LAMB1: variants seen among roughly 807,000 people sequenced by gnomAD.
LAMB1 encodes the protein laminin subunit beta 1.
Under a neutral mutation model 222.3 loss-of-function variants are expected in LAMB1, and 121 were observed. The observed-to-expected ratio is 0.54, with a 90% CI of 0.47 to 0.63. LAMB1 has a LOEUF of 0.63. Among genes scored for constraint, LAMB1 ranks in the 30% least tolerant of loss-of-function variants. The probability of loss-of-function intolerance (pLI) is 0.00; values close to 1 mark genes in which losing one functional copy is unlikely to be tolerated. For missense variants in LAMB1, 2,172 were observed against 2,240.8 expected, an observed-to-expected ratio of 0.97 and a Z score of 0.62; for synonymous variants, 794 against 807.2, an observed-to-expected ratio of 0.98 and a Z score of 0.28.
intron 7 of LAMB1, among the ~76,000 whole-genome samples, chr7:107,985,033 T>G (rs1243620671): frequency 6.6e-6 from 1 of 152,150 alleles, no homozygotes; most frequent in African/African-American, 2.4e-5. Flanking sequence ...ACAACTAGAT[T>G]TGGGGAGACT....
intron 25 of LAMB1, among the ~76,000 whole-genome samples, chr7:107,938,100 G>A (rs1467532090): frequency 6.6e-6 from 1 of 152,092 alleles, no homozygotes; most frequent in Admixed American, 6.5e-5. Context: ...TTTTACCTCT[G>A]GGTATTACTG....
At chr7:107,940,412 C>T (rs1480194309) in intron 24 of LAMB1, 54 bp from the exon 25 acceptor site, 9 of 1,547,836 alleles carry the variant, frequency 5.8e-6, no homozygotes, top group Admixed American at 1.8e-5. Flanking sequence ...ACCTCAGTGA[C>T]AAGATGTGGC....
chr7:107,932,070 T>C, intron 28 of LAMB1, 104 bp downstream of exon 28: 1 of 1,046,362 alleles, frequency 9.6e-7, no homozygotes, highest in South Asian at 1.3e-5. Context: ...TATGCCCTTT[T>C]CATTTCAGTT....
intron 27 of LAMB1, 84 bp downstream of exon 27, chr7:107,935,331 T>G: frequency 2.0e-6 from 3 of 1,516,510 alleles, no homozygotes; most frequent in African/African-American, 1.4e-5. Context: ...TGACAAAAGA[T>G]GGTTTGTTTT....
rs201261324 is a variant in LAMB1 at position 107,993,212 on chromosome 7, C to A, written c.423+1675G>T. 4.6e-5 allele frequency among the ~76,000 whole-genome samples: 7 copies of A among 152,324 alleles called. No homozygotes were observed. In the East Asian group the frequency reaches 1.2e-3, roughly 25 times the overall value. On this transcript the variant is annotated intron_variant, in intron 5 of 33. Coordinates refer to ENST00000222399, the MANE Select transcript of LAMB1 (RefSeq NM_002291.3). ...GCAGTGGCATGATCTCGGCTCACTGCAACCTTCGCCTGCAGGGTTCAAACG... is the reference window on the plus strand; with the variant it reads ...GCAGTGGCATGATCTCGGCTCACTGAAACCTTCGCCTGCAGGGTTCAAACG...
intron 27 of LAMB1, among the ~76,000 whole-genome samples, chr7:107,933,077 C>CCGACTGCCATCA (rs1385075541): frequency 6.6e-6 from 1 of 152,196 alleles, no homozygotes; most frequent in Non-Finnish European, 1.5e-5. Flanking sequence ...ATTACCACCC[C>CCGACTGCCATCA]CGACTGCCAT....
In LAMB1 at chr7:107,952,136, C is replaced by T. The variant is rs757284634; in HGVS notation, c.3167G>A (p.Cys1056Tyr). 7.4e-6 allele frequency: 12 copies of T among 1,613,976 alleles called. No homozygotes were observed. Among genetic ancestry groups the T allele is most frequent in the Non-Finnish European group, 1.0e-5 (12 of 1,179,978 alleles). The stretch of plus-strand genomic sequence containing the variant: ...GTTCTGCCCGATCACATTAGGAAGA[C>T]ACAAGCACTGACCAGTGGCTTTGTC... Reference protein sequence around the residue: ...QCDKATGQCLCLPNVIGQNCD... With the variant: ...QCDKATGQCLYLPNVIGQNCD... The change falls in exon 23 of 34, where the codon TGT becomes TAT. Residue 1056 changes from cysteine (C) to tyrosine (Y), a missense_variant. Transcript: ENST00000222399.
chr7:107,977,732 G>A (rs576993770), intron 9 of LAMB1, among the ~76,000 whole-genome samples: 3 of 152,222 alleles, frequency 2.0e-5, no homozygotes, highest in African/African-American at 7.2e-5. Context: ...TGAGCCGCCT[G>A]TGCCACTGCA....
chr7:107,990,197 C>T (rs1355553207), intron 5 of LAMB1, among the ~76,000 whole-genome samples: 2 of 152,068 alleles, frequency 1.3e-5, no homozygotes. Flanking sequence ...TGCCACCATG[C>T]CTGGCTAATT....
chr7:107,978,578 A>G (rs946903738), intron 8 of LAMB1, among the ~76,000 whole-genome samples: 1 of 152,182 alleles, frequency 6.6e-6, no homozygotes, highest in African/African-American at 2.4e-5. Context: ...AATTTATATT[A>G]CTGCACGATT....
intron 29 of LAMB1, chr7:107,929,886 G>A: frequency 2.0e-6 from 1 of 503,750 alleles, no homozygotes; most frequent in South Asian, 2.2e-5. Flanking sequence ...AAGATGAGGA[G>A]CTGATCAGAT....
chr7:107,976,312 G>C (rs2033853880), intron 9 of LAMB1, among the ~76,000 whole-genome samples: 1 of 152,148 alleles, frequency 6.6e-6, no homozygotes. Context: ...CCTGCTTCAA[G>C]GACCGTGAGG....
In LAMB1 at chr7:107,972,102, A is replaced by C. The variant is rs553588704; in HGVS notation, c.1562+890T>G. On this transcript the variant is annotated intron_variant, in intron 13 of 33. Coordinates refer to ENST00000222399, the MANE Select transcript of LAMB1 (RefSeq NM_002291.3). ...GGAGGTTTTCTAAGAACAGATATTC[A>C]CACCGGATTTCAGAGGCTACATGCT... Among the ~76,000 whole-genome samples, 4 of 152,324 alleles carry C rather than the reference A, an allele frequency of 2.6e-5. No individual in the cohort carries two copies. The East Asian group carries it at 7.7e-4, about 29-fold the overall frequency.
chr7:107,933,788 A>T (rs796924612), intron 27 of LAMB1, among the ~76,000 whole-genome samples: 52 of 152,354 alleles, frequency 3.4e-4, no homozygotes, highest in African/African-American at 1.2e-3. Context: ...AGCAGCTGCT[A>T]ATCCCTAGGT....
In LAMB1 at chr7:107,962,840, G is replaced by A; in HGVS notation, c.1857+65C>T. ...TCATAACTATATATAATACCCATTA[G>A]AAGTACTATTTTTCTACTGATTCTC... On this transcript the variant is annotated intron_variant, in intron 15 of 33. Coordinates refer to ENST00000222399, the MANE Select transcript of LAMB1 (RefSeq NM_002291.3). The A allele has an allele frequency of 2.9e-6, 4 of 1,362,636 alleles. No homozygotes were observed. The South Asian group carries it at 3.9e-5, about 13-fold the overall frequency. The allele number at this position is 1,362,636 out of a possible 1,614,324, so 84.4% of individuals were successfully genotyped here. A position where few individuals can be genotyped will look rare whatever the true frequency, so the allele number is the denominator to read the frequency against.
Position 107,952,175 on chromosome 7 carries a change from G to A in LAMB1, c.3128C>T (p.Ser1043Phe). 1 of 1,613,482 alleles carries A rather than the reference G, an allele frequency of 6.2e-7. No individual in the cohort carries two copies. Residue 1043 changes from serine (S) to phenylalanine (F), a missense_variant, in exon 23 of 34, where the codon TCT becomes TTT. Physicochemically the swap from Ser to Phe is radical, Grantham distance 155 (BLOSUM62 -2). Coordinates refer to ENST00000222399, the MANE Select transcript of LAMB1 (RefSeq NM_002291.3). Reference sequence around the variant, plus strand: ...AGTGGCTTTGTCGCACTGGCAGTCAGAGCCGTTACAGTGCTCTTGCACGGT... The same window carrying A: ...AGTGGCTTTGTCGCACTGGCAGTCAAAGCCGTTACAGTGCTCTTGCACGGT... ...LGTVQEHCNG[S>F]DCQCDKATGQ... is the part of the protein sequence containing the mutation.
At position 107,935,428 on chromosome 7, in the gene LAMB1, G is replaced by A; in HGVS notation, c.4175C>T (p.Ala1392Val). The change falls in exon 27 of 34, where the codon GCC becomes GTC. Residue 1392 changes from alanine (A) to valine (V), a missense_variant. By Grantham distance (64) the Ala-to-Val change is moderately conservative (BLOSUM62 0). Transcript: ENST00000222399. Reference sequence around the variant, plus strand: ...CCCAAACCTTACCATTTCGGCAGCGGCTGAAAGGTCTAGGCTTTGTAGCTT... The same window carrying A: ...CCCAAACCTTACCATTTCGGCAGCGACTGAAAGGTCTAGGCTTTGTAGCTT... ...AGKLQSLDLS[A>V]AAEMTCGTPP... 6.2e-7 allele frequency: 1 copy of A among 1,606,710 alleles called. No homozygotes were observed. Among genetic ancestry groups the A allele is most frequent in the Non-Finnish European group, 8.5e-7 (1 of 1,177,700 alleles).
chr7:107,962,832 A>G, intron 15 of LAMB1, 73 bp downstream of exon 15: 1 of 1,242,180 alleles, frequency 8.1e-7, no homozygotes, highest in Non-Finnish European at 1.2e-6. Flanking sequence ...TATATATAAT[A>G]CCCATTAGAA....
Position 107,932,373 on chromosome 7 carries a change from C to T in LAMB1, c.4193G>A (p.Cys1398Tyr). ...ACAGGAGGCCCCTGGGGGTGTTCCACAGGTCTGCAACAAGCCAAGGATCAG... is the reference window on the plus strand; with the variant it reads ...ACAGGAGGCCCCTGGGGGTGTTCCATAGGTCTGCAACAAGCCAAGGATCAG... ...LDLSAAAEMT[C>Y]GTPPGASCSE... Residue 1398 changes from cysteine to tyrosine, a missense_variant, in exon 28 of 34, where the codon TGT (cysteine) becomes TAT (tyrosine). Transcript: ENST00000222399. 2 of 1,614,212 alleles carry T rather than the reference C, an allele frequency of 1.2e-6. No homozygotes were observed. Among genetic ancestry groups the T allele is most frequent in the Non-Finnish European group, 1.7e-6 (2 of 1,180,020 alleles).
Sources: allele counts gnomAD v4.1 joint callset (sites outside exome capture counted in the v4.1 genomes callset), GRCh38; gene constraint gnomAD v4.1.1; transcripts MANE v1.5; gene names NCBI Gene and HGNC (gene_info 2026-07-23, HGNC 2026-07-21).